ADAMTS17: variants seen among roughly 807,000 people sequenced by gnomAD.
ADAMTS17 encodes A disintegrin and metalloproteinase with thrombospondin motifs 17.
In ADAMTS17, 113 loss-of-function variants were observed where a neutral mutation model predicts 141.5. The ratio of observed to expected loss-of-function variants is 0.80; its 90% confidence interval spans 0.69 to 0.93. The LOEUF is 0.93. Ranked by LOEUF, ADAMTS17 falls within the 40% of genes least tolerant of loss-of-function variation. The pLI is 0.00. For missense variants in ADAMTS17, 1,659 were observed against 1,517.9 expected (o/e 1.09, Z -1.54); for synonymous variants, 768 against 630.6 (o/e 1.22, Z -3.27).
Position 100,051,629 on chromosome 15 carries a change from A to AGTCCTGCG in ADAMTS17, c.2390_2397dup (p.Ser800ArgfsTer42). 6.2e-7 allele frequency: 1 copy of AGTCCTGCG among 1,614,182 alleles called. No homozygotes were observed. The highest frequency in any genetic ancestry group is 8.5e-7 in the Non-Finnish European group (1 of 1,180,028). ...CCGCTGTGGGTCCAGATGAACAAAG[A>AGTCCTGCG]GTCCTGCGGTTTTTCTGGTTCGCTT... On this transcript the variant is annotated frameshift_variant, in exon 17 of 22. Transcript: ENST00000268070. LOFTEE classifies it high-confidence loss of function.
chr15:100,193,239 C>T (rs778646526), intron 8 of ADAMTS17, among the ~76,000 whole-genome samples: 5 of 152,212 alleles, frequency 3.3e-5, no homozygotes, highest in Admixed American at 6.5e-5. Context: ...TTACGCTTTG[C>T]GCCATGTCCT....
At position 100,171,119 on chromosome 15, in the gene ADAMTS17, TGGA is replaced by T. The variant is rs557952700; in HGVS notation, c.1182-15802_1182-15800del. Among the ~76,000 whole-genome samples the T allele has an allele frequency of 2.1e-3, 314 of 152,170 alleles. 3 individuals carry two copies. Among genetic ancestry groups the T allele is most frequent in the African/African-American group, 7.5e-3 (310 of 41,514 alleles). ...CTTCCTATACCCTTCAAAGGCCAGTTGGAGGAGGGGATTAGCCCACCTGCAGGA... is the reference window on the plus strand; with the variant it reads ...CTTCCTATACCCTTCAAAGGCCAGTTGGAGGGGATTAGCCCACCTGCAGGA... On this transcript the variant is annotated intron_variant, in intron 8 of 21. Coordinates refer to ENST00000268070, the MANE Select transcript of ADAMTS17 (RefSeq NM_139057.4).
At chr15:100,197,747 A>G (rs2041174663) in intron 8 of ADAMTS17, among the ~76,000 whole-genome samples, 1 of 152,146 alleles carries the variant, frequency 6.6e-6, no homozygotes, top group Non-Finnish European at 1.5e-5. Flanking sequence ...ATGACATACA[A>G]TAGGTACGGA....
At chr15:100,010,121 T>C (rs2727152) in intron 18 of ADAMTS17, among the ~76,000 whole-genome samples, 31,964 of 152,248 alleles carry the variant, frequency 0.21, 7,741 homozygotes, top group African/African-American at 0.59. Context: ...CCATGTAAGA[T>C]GTGCCTTTGT....
At chr15:100,236,495 T>C (rs1047005801) in intron 7 of ADAMTS17, among the ~76,000 whole-genome samples, 5 of 151,642 alleles carry the variant, frequency 3.3e-5, no homozygotes, top group African/African-American at 1.2e-4. Flanking sequence ...GCCCTCTTAC[T>C]AACACTGAAC....
chr15:100,179,598 T>C (rs1007885517), intron 8 of ADAMTS17, among the ~76,000 whole-genome samples: 5 of 152,228 alleles, frequency 3.3e-5, no homozygotes, highest in African/African-American at 1.2e-4. Flanking sequence ...ATAGTTCTAT[T>C]TTTAGTTTAT....
At chr15:100,145,675 A>G (rs4965284) in intron 10 of ADAMTS17, among the ~76,000 whole-genome samples, 102,305 of 152,124 alleles carry the variant, frequency 0.67, 35,595 homozygotes, top group East Asian at 0.87. Flanking sequence ...GTTTATTAAT[A>G]GAATGGAGTA....
At chr15:100,046,536 C>A (rs1043016050) in intron 18 of ADAMTS17, among the ~76,000 whole-genome samples, 1 of 152,220 alleles carries the variant, frequency 6.6e-6, no homozygotes, top group African/African-American at 2.4e-5. Context: ...AAGTCAGGAA[C>A]CCCGAACGGA....
At chr15:99,975,994 G>T in intron 21 of ADAMTS17, 51 bp downstream of exon 21, 1 of 1,519,620 alleles carries the variant, frequency 6.6e-7, no homozygotes. Context: ...GGACTTACTG[G>T]GCAGGAGACA....
chr15:100,201,186 T>A (rs1048465146), intron 7 of ADAMTS17, among the ~76,000 whole-genome samples: 1 of 152,090 alleles, frequency 6.6e-6, no homozygotes, highest in Non-Finnish European at 1.5e-5. Context: ...CCAAATCTCA[T>A]CTCAAATTGT....
chr15:100,068,499 C>A (rs140026153), intron 15 of ADAMTS17, among the ~76,000 whole-genome samples: 4 of 152,192 alleles, frequency 2.6e-5, no homozygotes, highest in Non-Finnish European at 5.9e-5. Flanking sequence ...GGGAGGCACC[C>A]CCCAGTAGGG....
chr15:100,083,009 T>C (rs1385259505), intron 15 of ADAMTS17, among the ~76,000 whole-genome samples: 1 of 152,228 alleles, frequency 6.6e-6, no homozygotes, highest in Non-Finnish European at 1.5e-5. Context: ...TGCTGTGTTA[T>C]GGTGCTGGCC....
At position 100,336,816 on chromosome 15, in the gene ADAMTS17, C is replaced by G. The variant is rs187218614; in HGVS notation, c.450+4223G>C. On this transcript the variant is annotated intron_variant, in intron 2 of 21. Coordinates refer to ENST00000268070, the MANE Select transcript of ADAMTS17 (RefSeq NM_139057.4). Reference sequence around the variant, plus strand: ...AGTAGTAACATCCCAAACCTGCTTTCTCATCACAGGAGTCGTACACGTGCA... The same window carrying G: ...AGTAGTAACATCCCAAACCTGCTTTGTCATCACAGGAGTCGTACACGTGCA... Among the ~76,000 whole-genome samples, 218 of 152,324 alleles carry G rather than the reference C, an allele frequency of 1.4e-3. 2 individuals carry two copies. The highest frequency in any genetic ancestry group is 5.8e-4 in the East Asian group (3 of 5,174).
chr15:100,283,427 C>T (rs1314737173), intron 3 of ADAMTS17, among the ~76,000 whole-genome samples: 1 of 152,148 alleles, frequency 6.6e-6, no homozygotes, highest in Non-Finnish European at 1.5e-5. Context: ...ATGAAGATTC[C>T]TTCCTTGTTT....
At chr15:100,329,896 A>C (rs2045998829) in intron 3 of ADAMTS17, among the ~76,000 whole-genome samples, 1 of 152,238 alleles carries the variant, frequency 6.6e-6, no homozygotes, top group Non-Finnish European at 1.5e-5. Flanking sequence ...ATTTATTCCC[A>C]ATGTCACCGG....
intron 3 of ADAMTS17, among the ~76,000 whole-genome samples, chr15:100,317,319 G>T (rs1355579360): frequency 1.3e-5 from 2 of 152,188 alleles, no homozygotes; most frequent in African/African-American, 2.4e-5. Flanking sequence ...AACACTCAGG[G>T]TGTAAAAGGG....
At chr15:100,266,375 G>A (rs1480367838) in intron 4 of ADAMTS17, among the ~76,000 whole-genome samples, 1 of 152,230 alleles carries the variant, frequency 6.6e-6, no homozygotes, top group African/African-American at 2.4e-5. Context: ...TGGCCCGATG[G>A]AGCCTTCGCC....
rs973121551 is a variant in ADAMTS17 at position 100,331,001 on chromosome 15, G to T, written c.504C>A (p.Asn168Lys). The T allele has an allele frequency of 4.3e-6, 7 of 1,614,166 alleles. No homozygotes were observed. Among genetic ancestry groups the T allele is most frequent in the South Asian group, 1.1e-5 (1 of 91,076 alleles). Reference protein sequence around the residue: ...QEQVLIQPLNNSQGPFSGREH... With the variant: ...QEQVLIQPLNKSQGPFSGREH... ...CTCGTCCACTGAATGGGCCCTGGGA[G>T]TTGTTGAGGGGCTGGATTAGCACCT... The change falls in exon 3 of 22, where the codon AAC (asparagine) becomes AAA (lysine). Residue 168 changes from asparagine to lysine, a missense_variant. By Grantham distance (94) the Asn-to-Lys change is moderately conservative (BLOSUM62 0). Transcript: ENST00000268070.
intron 8 of ADAMTS17, among the ~76,000 whole-genome samples, chr15:100,196,169 C>T (rs2041107687): frequency 6.6e-6 from 1 of 152,164 alleles, no homozygotes; most frequent in African/African-American, 2.4e-5. Context: ...CAACTTAGGA[C>T]CTATTTGACT....
Sources: gnomAD v4.1 joint callset for allele counts (sites outside exome capture counted in the v4.1 genomes callset) on GRCh38, gnomAD v4.1.1 for gene constraint, MANE v1.5 for transcripts, NCBI Gene and HGNC (gene_info 2026-07-23, HGNC 2026-07-21) for gene names.